ARHGAP10: variants seen among roughly 807,000 people sequenced by gnomAD.
ARHGAP10 encodes Rho GTPase activating protein 10, also known as rho GTPase-activating protein 10.
A neutral mutation model predicts 108.6 loss-of-function variants in ARHGAP10; 87 were observed. The observed-to-expected ratio is 0.80, with a 90% CI of 0.67 to 0.96. The LOEUF (loss-of-function observed/expected upper bound fraction) is 0.96, where lower values mean the gene tolerates loss of function less well. Ranked by LOEUF, ARHGAP10 falls within the 40% of genes least tolerant of loss-of-function variation. ARHGAP10 has a pLI of 0.00. For synonymous variants in ARHGAP10, 347 were observed against 341.1 expected, an observed-to-expected ratio of 1.02 and a Z score of -0.19; for missense variants, 939 against 954.5, an observed-to-expected ratio of 0.98 and a Z score of 0.21.
At chr4:147,981,887 G>C (rs1739820228) in intron 18 of ARHGAP10, among the ~76,000 whole-genome samples, 1 of 152,116 alleles carries the variant, frequency 6.6e-6, no homozygotes, top group African/African-American at 2.4e-5. Flanking sequence ...AGGGACCTCT[G>C]CTCTTTTTCG....
At chr4:147,892,758 G>T (rs1283932578) in intron 10 of ARHGAP10, among the ~76,000 whole-genome samples, 1 of 152,220 alleles carries the variant, frequency 6.6e-6, no homozygotes, top group Non-Finnish European at 1.5e-5. Flanking sequence ...TTAAATCAGA[G>T]GTTCTCAACT....
intron 10 of ARHGAP10, among the ~76,000 whole-genome samples, chr4:147,904,318 G>A (rs1480649852): frequency 5.3e-5 from 8 of 152,102 alleles, no homozygotes; most frequent in South Asian, 2.1e-4. Context: ...TGCCATGCTG[G>A]TGTGCTGCAT....
chr4:147,932,617 A>G (rs1160573137), intron 13 of ARHGAP10, among the ~76,000 whole-genome samples: 1 of 131,270 alleles, frequency 7.6e-6, no homozygotes, highest in Non-Finnish European at 1.6e-5. Context: ...ACATGGACAC[A>G]TGGGGGGAAC....
At chr4:147,851,269 TTA>T (rs1439026701) in intron 4 of ARHGAP10, among the ~76,000 whole-genome samples, 2 of 152,150 alleles carry the variant, frequency 1.3e-5, no homozygotes, top group Non-Finnish European at 2.9e-5. Flanking sequence ...TTTTTTTTTT[TTA>T]AAATACAGGA....
intron 1 of ARHGAP10, among the ~76,000 whole-genome samples, chr4:147,813,695 G>A (rs1250133458): frequency 2.0e-5 from 3 of 152,238 alleles, no homozygotes; most frequent in Non-Finnish European, 2.9e-5. Flanking sequence ...GGCCCAGGGA[G>A]AAGATCTCAG....
chr4:147,948,722 C>T (rs969974349), intron 15 of ARHGAP10, among the ~76,000 whole-genome samples: 17 of 151,734 alleles, frequency 1.1e-4, no homozygotes, highest in Admixed American at 5.3e-4. Context: ...TTTGGGAGGC[C>T]GAGGCAGGCA....
At chr4:148,023,018 A>G in intron 18 of ARHGAP10, 1 of 379,840 alleles carries the variant, frequency 2.6e-6, no homozygotes, top group Non-Finnish European at 4.7e-6. Context: ...TTTTGGAATG[A>G]ATTATTTGAT....
intron 13 of ARHGAP10, among the ~76,000 whole-genome samples, chr4:147,939,353 TA>T (rs1318358621): frequency 3.3e-5 from 5 of 152,204 alleles, no homozygotes; most frequent in Non-Finnish European, 5.9e-5. Context: ...GTAACAACTT[TA>T]AAAAAAATTA....
intron 10 of ARHGAP10, among the ~76,000 whole-genome samples, chr4:147,891,557 G>T (rs1047350952): frequency 3.3e-5 from 5 of 152,102 alleles, no homozygotes; most frequent in Non-Finnish European, 7.4e-5. Context: ...GCAATTCTGT[G>T]GATATGTTAC....
chr4:147,750,897 C>T (rs1032703159), intron 1 of ARHGAP10, among the ~76,000 whole-genome samples: 3 of 151,932 alleles, frequency 2.0e-5, no homozygotes, highest in Non-Finnish European at 4.4e-5. Flanking sequence ...CACTGGTGCC[C>T]GGCCATAAAA....
At chr4:147,986,919 C>G (rs7699767) in intron 18 of ARHGAP10, among the ~76,000 whole-genome samples, 197 of 152,344 alleles carry the variant, frequency 1.3e-3, no homozygotes, top group African/African-American at 4.6e-3. Flanking sequence ...GCCCTAGACT[C>G]TGCTGCTGCT....
chr4:147,963,239 T>C (rs1226052434), intron 16 of ARHGAP10, among the ~76,000 whole-genome samples: 2 of 152,160 alleles, frequency 1.3e-5, no homozygotes, highest in Non-Finnish European at 2.9e-5. Context: ...GCTCTGTGCT[T>C]TTTGTCATGC....
chr4:147,826,622 A>G (rs918907696), intron 3 of ARHGAP10, among the ~76,000 whole-genome samples: 3 of 152,150 alleles, frequency 2.0e-5, no homozygotes, highest in Admixed American at 1.3e-4. Context: ...AGAAATATAC[A>G]ATGAAACTAC....
intron 12 of ARHGAP10, among the ~76,000 whole-genome samples, chr4:147,911,041 T>G (rs1736709397): frequency 6.6e-6 from 1 of 151,950 alleles, no homozygotes; most frequent in South Asian, 2.1e-4. Context: ...CTTTCCTCAT[T>G]CCCTCCTCTC....
intron 4 of ARHGAP10, among the ~76,000 whole-genome samples, chr4:147,849,030 C>T (rs1015155490): frequency 2.6e-5 from 4 of 152,178 alleles, no homozygotes; most frequent in Non-Finnish European, 5.9e-5. Flanking sequence ...TTGCTCAGTA[C>T]AGTATGTGTG....
chr4:147,888,229 T>TA (rs1340993796), intron 10 of ARHGAP10, among the ~76,000 whole-genome samples: 1 of 152,238 alleles, frequency 6.6e-6, no homozygotes, highest in Non-Finnish European at 1.5e-5. Context: ...TGTCCAGTCT[T>TA]ACGACTTTAT....
At position 148,072,227 on chromosome 4, in the gene ARHGAP10, T is replaced by TGGG; in HGVS notation, c.*150_*152dup. On this transcript the variant is annotated 3_prime_UTR_variant, in exon 23 of 23. Coordinates refer to ENST00000336498, the MANE Select transcript of ARHGAP10 (RefSeq NM_024605.4). The stretch of plus-strand genomic sequence containing the variant: ...CCATCATCACAGTCAGCCCTGGGGG[T>TGGG]GGGGGGTGGTGGGCAGGGATGGGAC... 1 of 339,660 alleles carries TGGG rather than the reference T, an allele frequency of 2.9e-6. No individual in the cohort carries two copies. Among genetic ancestry groups the TGGG allele is most frequent in the Non-Finnish European group, 5.5e-6 (1 of 180,352 alleles). The allele number at this position is 339,660 out of a possible 1,614,324, so 21.0% of individuals were successfully genotyped here.
At chr4:147,875,385 C>G (rs974191403) in intron 8 of ARHGAP10, among the ~76,000 whole-genome samples, 1 of 152,000 alleles carries the variant, frequency 6.6e-6, no homozygotes, top group Non-Finnish European at 1.5e-5. Flanking sequence ...CTTCAGACAC[C>G]CCACTAGCTT....
intron 9 of ARHGAP10, among the ~76,000 whole-genome samples, chr4:147,880,120 A>G (rs146657578): frequency 4.3e-4 from 65 of 152,316 alleles, no homozygotes; most frequent in African/African-American, 1.4e-3. Context: ...GGTGATCTTT[A>G]TATGTATTTT....
Sources: gnomAD v4.1 joint callset for allele counts (sites outside exome capture counted in the v4.1 genomes callset) on GRCh38, gnomAD v4.1.1 for gene constraint, MANE v1.5 for transcripts, NCBI Gene and HGNC (gene_info 2026-07-23, HGNC 2026-07-21) for gene names.